COG5: variants seen among roughly 807,000 people sequenced by gnomAD.
The protein encoded by COG5 is component of oligomeric golgi complex 5, also known as conserved oligomeric Golgi complex subunit 5.
COG5 carries 86 observed loss-of-function variants against 110.4 expected under a neutral mutation model. The observed-to-expected ratio is 0.78, with a 90% confidence interval of 0.65 to 0.93. The LOEUF is 0.93. COG5 is among the 40% of genes least tolerant of loss of function. The probability of loss-of-function intolerance (pLI) is 0.00; values close to 1 mark genes in which losing one functional copy is unlikely to be tolerated. For synonymous variants in COG5, 360 were observed against 334.6 expected (o/e 1.08, Z -0.83); for missense variants, 1,077 against 987.0 (o/e 1.09, Z -1.22).
intron 10 of COG5, among the ~76,000 whole-genome samples, chr7:107,359,646 C>T (rs1006436276): frequency 2.6e-5 from 4 of 152,184 alleles, no homozygotes; most frequent in Admixed American, 2.0e-4. Flanking sequence ...ATCAGCACAC[C>T]CTTCCTCCCT....
At chr7:107,251,359 C>T (rs1040383355) in intron 16 of COG5, among the ~76,000 whole-genome samples, 8 of 152,042 alleles carry the variant, frequency 5.3e-5, no homozygotes, top group African/African-American at 1.9e-4. Context: ...TGCCATCACA[C>T]TCACATGATA....
chr7:107,351,506 A>G (rs545705806), intron 10 of COG5, among the ~76,000 whole-genome samples: 11 of 152,318 alleles, frequency 7.2e-5, no homozygotes, highest in African/African-American at 2.6e-4. Context: ...AGAAACTACC[A>G]TCAGAGTGAA....
At chr7:107,506,616 C>T (rs535147249) in intron 6 of COG5, among the ~76,000 whole-genome samples, 1 of 152,238 alleles carries the variant, frequency 6.6e-6, no homozygotes, top group Admixed American at 6.5e-5. Context: ...TCCCCGCATA[C>T]TTCGCAAGGC....
intron 7 of COG5, among the ~76,000 whole-genome samples, chr7:107,402,937 C>T (rs997667718): frequency 6.6e-5 from 10 of 151,946 alleles, no homozygotes; most frequent in Non-Finnish European, 1.2e-4. Flanking sequence ...ATGTATTTTT[C>T]GTGTAGAAAG....
At chr7:107,235,753 C>G (rs996669903) in intron 18 of COG5, among the ~76,000 whole-genome samples, 3 of 152,146 alleles carry the variant, frequency 2.0e-5, no homozygotes, top group Non-Finnish European at 4.4e-5. Context: ...TAACAATCAT[C>G]TTTGTTTCTG....
chr7:107,542,840 G>A (rs1802134535), intron 5 of COG5, among the ~76,000 whole-genome samples: 1 of 152,052 alleles, frequency 6.6e-6, no homozygotes, highest in Non-Finnish European at 1.5e-5. Context: ...AAATGTGGTG[G>A]CAGGTGCCTG....
intron 6 of COG5, among the ~76,000 whole-genome samples, chr7:107,523,858 T>C (rs1278129526): frequency 6.6e-6 from 1 of 152,100 alleles, no homozygotes; most frequent in East Asian, 1.9e-4. Flanking sequence ...ACAACAACTT[T>C]GAAAAATAAT....
intron 10 of COG5, among the ~76,000 whole-genome samples, chr7:107,356,004 T>C (rs1338649202): frequency 1.3e-5 from 2 of 152,232 alleles, no homozygotes; most frequent in Admixed American, 1.3e-4. Flanking sequence ...GGTTCTTGCA[T>C]AATGCATAAC....
chr7:107,229,070 A>G (rs1340604310), intron 19 of COG5, among the ~76,000 whole-genome samples: 1 of 152,148 alleles, frequency 6.6e-6, no homozygotes, highest in Non-Finnish European at 1.5e-5. Flanking sequence ...GACAGTTTAT[A>G]TAAAGGCCTC....
intron 6 of COG5, among the ~76,000 whole-genome samples, chr7:107,506,007 T>C (rs1406217517): frequency 1.3e-5 from 2 of 152,194 alleles, no homozygotes; most frequent in East Asian, 1.9e-4. Flanking sequence ...GACTGTGAGA[T>C]TCCTTGGTTA....
intron 7 of COG5, among the ~76,000 whole-genome samples, chr7:107,389,010 A>G (rs1209180633): frequency 6.6e-6 from 1 of 152,236 alleles, no homozygotes; most frequent in Non-Finnish European, 1.5e-5. Flanking sequence ...ATTTGTTCCT[A>G]GCTATGCTTT....
At chr7:107,257,383 T>A (rs1467052257) in intron 15 of COG5, among the ~76,000 whole-genome samples, 3 of 152,112 alleles carry the variant, frequency 2.0e-5, no homozygotes, top group Admixed American at 2.0e-4. Context: ...CTCTTTAACA[T>A]GTATTTTGTT....
chr7:107,400,839 G>A (rs911850443), intron 7 of COG5, among the ~76,000 whole-genome samples: 15 of 152,060 alleles, frequency 9.9e-5, no homozygotes, highest in African/African-American at 3.6e-4. Context: ...ACTGCATATA[G>A]AAACTAGAAT....
chr7:107,475,405 T>A, intron 6 of COG5: 1 of 902,590 alleles, frequency 1.1e-6, no homozygotes, highest in Non-Finnish European at 1.7e-6. Flanking sequence ...AAATGAGTTT[T>A]AAATTTAAAT....
At chr7:107,319,762 C>CT (rs1395787338) in intron 11 of COG5, among the ~76,000 whole-genome samples, 1 of 152,066 alleles carries the variant, frequency 6.6e-6, no homozygotes, top group Non-Finnish European at 1.5e-5. Flanking sequence ...ATTTATTATG[C>CT]TGAGTGACTG....
chr7:107,418,167 C>T (rs906039215), intron 6 of COG5, among the ~76,000 whole-genome samples: 1 of 150,440 alleles, frequency 6.6e-6, no homozygotes, highest in East Asian at 1.9e-4. Flanking sequence ...AGGAAAGATG[C>T]CTTTTTTTGA....
At chr7:107,241,732 G>A (rs536714291) in intron 17 of COG5, among the ~76,000 whole-genome samples, 4 of 151,958 alleles carry the variant, frequency 2.6e-5, no homozygotes, top group Non-Finnish European at 4.4e-5. Flanking sequence ...GATTACAGGC[G>A]TGAGCCACCG....
intron 14 of COG5, among the ~76,000 whole-genome samples, chr7:107,262,434 G>A (rs972956984): frequency 6.6e-6 from 1 of 152,130 alleles, no homozygotes; most frequent in East Asian, 1.9e-4. Flanking sequence ...ACTGGGGCCT[G>A]GAGAGTTCAT....
At position 107,201,390 on chromosome 7, in the gene COG5, CTG is replaced by C. The variant is rs768464934; in HGVS notation, c.*2124_*2125del. On this transcript the variant is annotated 3_prime_UTR_variant, in exon 22 of 22. Coordinates refer to ENST00000297135, the MANE Select transcript of COG5 (RefSeq NM_006348.5). Reference sequence around the variant, plus strand: ...CTATGTATTGATTTGTAAACATTCACTGAGTTTAATTTTATTTCCACAGGGCT... The same window carrying C: ...CTATGTATTGATTTGTAAACATTCACAGTTTAATTTTATTTCCACAGGGCT... 6.7e-7 allele frequency: 1 copy of C among 1,501,326 alleles called. No individual in the cohort carries two copies. The highest frequency in any genetic ancestry group is 2.3e-5 in the East Asian group (1 of 44,058). The allele number at this position is 1,501,326 out of a possible 1,614,324, so 93.0% of individuals were successfully genotyped here. A position where few individuals can be genotyped will look rare whatever the true frequency, so the allele number is the denominator to read the frequency against.
Sources: allele counts gnomAD v4.1 joint callset (sites outside exome capture counted in the v4.1 genomes callset), GRCh38; gene constraint gnomAD v4.1.1; transcripts MANE v1.5; gene names NCBI Gene and HGNC (gene_info 2026-07-23, HGNC 2026-07-21).